CUX2: variants seen among roughly 807,000 people sequenced by gnomAD.
CUX2 encodes the protein homeobox protein cut-like 2.
In CUX2, 40 loss-of-function variants were observed where a neutral mutation model predicts 144.8. The observed-to-expected ratio is 0.28, with a 90% CI of 0.21 to 0.36. CUX2 has a LOEUF of 0.36. Among genes scored for constraint, CUX2 ranks in the 10% least tolerant of loss-of-function variants. CUX2 has a pLI of 1.00. For synonymous variants in CUX2, 827 were observed against 875.6 expected, an observed-to-expected ratio of 0.94 and a Z score of 0.98; for missense variants, 1,615 against 1,994.0, an observed-to-expected ratio of 0.81 and a Z score of 3.62.
Position 111,348,268 on chromosome 12 carries a change from C to T in CUX2, c.4404C>T (p.Ile1468=). Residue 1468 remains isoleucine, a synonymous_variant, in exon 22 of 22, where the codon ATC becomes ATT. Transcript: ENST00000261726. ...RHEKMANLNN[I]IYRVERAANR... ...AGAAGATGGCCAATCTGAACAACAT[C>T]ATTTACCGAGTAGAGCGGGCTGCCA... The T allele has an allele frequency of 1.9e-6, 3 of 1,613,818 alleles. No homozygotes were observed. Among genetic ancestry groups the T allele is most frequent in the Non-Finnish European group, 2.5e-6 (3 of 1,180,016 alleles).
chr12:111,280,798 C>A (rs1246803072), intron 4 of CUX2, among the ~76,000 whole-genome samples: 2 of 152,160 alleles, frequency 1.3e-5, no homozygotes, highest in Non-Finnish European at 2.9e-5. Flanking sequence ...GGACTCCAAT[C>A]ATTGCATTAG....
chr12:111,140,894 C>T (rs1391106134), intron 1 of CUX2, among the ~76,000 whole-genome samples: 1 of 152,170 alleles, frequency 6.6e-6, no homozygotes, highest in African/African-American at 2.4e-5. Context: ...CACCTGGGGA[C>T]GATGCCTGAG....
chr12:111,188,175 C>G (rs1879666581), intron 1 of CUX2, among the ~76,000 whole-genome samples: 1 of 152,228 alleles, frequency 6.6e-6, no homozygotes, highest in African/African-American at 2.4e-5. Context: ...TATTGAGCAC[C>G]TACTGTGTGT....
At chr12:111,161,853 G>T (rs1877790460) in intron 1 of CUX2, among the ~76,000 whole-genome samples, 1 of 152,206 alleles carries the variant, frequency 6.6e-6, no homozygotes, top group Non-Finnish European at 1.5e-5. Context: ...TCCCACTTCA[G>T]CCTCTCAAGT....
chr12:111,231,990 C>T (rs1176948986), intron 3 of CUX2, among the ~76,000 whole-genome samples: 6 of 152,058 alleles, frequency 3.9e-5, no homozygotes, highest in Non-Finnish European at 8.8e-5. Context: ...CCTGTAGTCT[C>T]AACTACTCGA....
intron 1 of CUX2, among the ~76,000 whole-genome samples, chr12:111,114,144 CTT>C (rs771601104): frequency 4.3e-4 from 65 of 152,284 alleles, no homozygotes; most frequent in Non-Finnish European, 7.6e-4. Flanking sequence ...GCATGTTTAA[CTT>C]TTTAAGAGAT....
intron 3 of CUX2, among the ~76,000 whole-genome samples, chr12:111,233,258 G>C (rs1882570328): frequency 1.3e-5 from 2 of 152,232 alleles, no homozygotes; most frequent in African/African-American, 4.8e-5. Context: ...TCTTGAGCCA[G>C]GTGTCTCTGG....
At chr12:111,271,024 A>G (rs1246994428) in intron 4 of CUX2, among the ~76,000 whole-genome samples, 1 of 152,358 alleles carries the variant, frequency 6.6e-6, no homozygotes. Context: ...TACGCTGTAC[A>G]TGAAAGCATT....
intron 1 of CUX2, among the ~76,000 whole-genome samples, chr12:111,194,498 T>C (rs937067048): frequency 2.6e-5 from 4 of 152,204 alleles, no homozygotes; most frequent in Admixed American, 1.3e-4. Context: ...AAATCTGGAT[T>C]TGGGGCCTTT....
At chr12:111,079,520 C>T (rs527485127) in intron 1 of CUX2, among the ~76,000 whole-genome samples, 1 of 152,120 alleles carries the variant, frequency 6.6e-6, no homozygotes, top group Non-Finnish European at 1.5e-5. Flanking sequence ...GGCTTCCCTT[C>T]CCTGCTGTGT....
rs530754485 is a variant in CUX2, at chr12:111,293,791, G to A, written c.560+222G>A. Among the ~76,000 whole-genome samples the A allele has an allele frequency of 2.0e-5, 3 of 152,322 alleles. No individual in the cohort carries two copies. The highest frequency in any genetic ancestry group is 4.1e-4 in the South Asian group (2 of 4,830). ...CCCTGGGCAAGTCACATCATCCTCT[G>A]AGCCTCAACTTCCCTACCTGGGAAA... On this transcript the variant is annotated intron_variant, in intron 6 of 21. Coordinates refer to ENST00000261726, the MANE Select transcript of CUX2 (RefSeq NM_015267.4). This position sits in a 1 kb window ranked among gnomAD's most constrained non-coding sequence, Gnocchi z 4.5.
chr12:111,049,244 C>T (rs1190552000), intron 1 of CUX2, among the ~76,000 whole-genome samples: 2 of 151,790 alleles, frequency 1.3e-5, no homozygotes, highest in African/African-American at 2.4e-5. Context: ...CACCCATCCA[C>T]GAATTCCTCC....
At chr12:111,187,360 T>G (rs887698912) in intron 1 of CUX2, among the ~76,000 whole-genome samples, 1 of 152,282 alleles carries the variant, frequency 6.6e-6, no homozygotes, top group Admixed American at 6.5e-5. Flanking sequence ...TCACATGGCC[T>G]GAGTCCCCGC....
At position 111,171,449 on chromosome 12, in the gene CUX2, G is replaced by GTC. The variant is rs939108747; in HGVS notation, c.64-42743_64-42742dup. Among the ~76,000 whole-genome samples the GTC allele has an allele frequency of 1.3e-5, 2 of 152,280 alleles. No homozygotes were observed. Among genetic ancestry groups the GTC allele is most frequent in the Admixed American group, 1.3e-4 (2 of 15,290 alleles). ...GTTTCTTATGCACCAGTGGGAGTGG[G>GTC]TCTCTCTCTGACCCAATGCAAGCAG... On this transcript the variant is annotated intron_variant, in intron 1 of 21. Transcript: ENST00000261726. This position sits in a 1 kb window ranked among gnomAD's most constrained non-coding sequence, Gnocchi z 5.0.
At chr12:111,237,965 C>T (rs1882842150) in intron 3 of CUX2, among the ~76,000 whole-genome samples, 1 of 152,166 alleles carries the variant, frequency 6.6e-6, no homozygotes, top group Admixed American at 6.5e-5. Context: ...CCCCCACTCC[C>T]CACTAGATGC....
At chr12:111,292,798 T>C (rs1885761020) in intron 5 of CUX2, among the ~76,000 whole-genome samples, 1 of 152,074 alleles carries the variant, frequency 6.6e-6, no homozygotes, top group African/African-American at 2.4e-5. Flanking sequence ...ATTGTGAATA[T>C]ACTAAATGTC....
In CUX2 at chr12:111,083,416, A is replaced by G. The variant is rs149138391; in HGVS notation, c.63+49176A>G. ...CCAAGGTCTAGGGCCTGATGGGTCTATGGGACCAAGGACAGATGGGAAGGG... is the reference window on the plus strand; with the variant it reads ...CCAAGGTCTAGGGCCTGATGGGTCTGTGGGACCAAGGACAGATGGGAAGGG... On this transcript the variant is annotated intron_variant, in intron 1 of 21. Transcript: ENST00000261726. 1.5e-3 allele frequency among the ~76,000 whole-genome samples: 231 copies of G among 152,278 alleles called. 1 individual carries two copies. The highest frequency in any genetic ancestry group is 1.6e-3 in the Non-Finnish European group (107 of 68,016).
intron 1 of CUX2, among the ~76,000 whole-genome samples, chr12:111,150,468 G>A (rs183260615): frequency 1.1e-3 from 172 of 152,234 alleles, no homozygotes; most frequent in Non-Finnish European, 1.8e-3. Context: ...TGGGTAACAC[G>A]GGGCTCCGGG....
At chr12:111,197,029 G>A (rs1169086156) in intron 1 of CUX2, among the ~76,000 whole-genome samples, 3 of 152,152 alleles carry the variant, frequency 2.0e-5, no homozygotes, top group African/African-American at 7.2e-5. Context: ...TTAAATTGGG[G>A]CATCTTGTAG....
Sources: allele counts gnomAD v4.1 joint callset (sites outside exome capture counted in the v4.1 genomes callset), GRCh38; gene constraint gnomAD v4.1.1; non-coding constraint Gnocchi (gnomAD v3.1); transcripts MANE v1.5; gene names NCBI Gene and HGNC (gene_info 2026-07-23, HGNC 2026-07-21).